Variants in CREB5 observed in about 807,000 individuals in gnomAD.
CREB5 encodes cyclic AMP-responsive element-binding protein 5.
In CREB5, 19 loss-of-function variants were observed where a neutral mutation model predicts 57.1. The ratio of observed to expected loss-of-function variants is 0.33; its 90% CI spans 0.23 to 0.49. The LOEUF is 0.49. Ranked by LOEUF, CREB5 falls within the 20% of genes least tolerant of loss-of-function variation. The pLI, the probability that CREB5 is intolerant of heterozygous loss-of-function variation, is 0.99. For synonymous variants in CREB5, 238 were observed against 238.3 expected, an observed-to-expected ratio of 1.00 and a Z score of 0.01; for missense variants, 579 against 671.6, an observed-to-expected ratio of 0.86 and a Z score of 1.52.
intron 5 of CREB5, among the ~76,000 whole-genome samples, chr7:28,603,385 T>G (rs957937421): frequency 1.3e-5 from 2 of 152,256 alleles, no homozygotes; most frequent in Admixed American, 1.3e-4. Context: ...ATGTTTGTTT[T>G]GATCACGGCC....
chr7:28,738,390 C>T (rs1419438154), intron 7 of CREB5, among the ~76,000 whole-genome samples: 2 of 152,172 alleles, frequency 1.3e-5, no homozygotes, highest in African/African-American at 2.4e-5. Flanking sequence ...GGATGTGGTT[C>T]GGTCTCGAGG....
At chr7:28,353,306 G>A (rs1786272078) in intron 1 of CREB5, among the ~76,000 whole-genome samples, 1 of 152,012 alleles carries the variant, frequency 6.6e-6, no homozygotes, top group African/African-American at 2.4e-5. Context: ...TGGTCTTGAG[G>A]AGTGCTTCTT....
chr7:28,334,786 A>G (rs1270894007), intron 1 of CREB5, among the ~76,000 whole-genome samples: 1 of 152,142 alleles, frequency 6.6e-6, no homozygotes, highest in Non-Finnish European at 1.5e-5. Flanking sequence ...GCCCAGTCCA[A>G]TGTCCTGGAG....
chr7:28,406,587 G>C (rs1214264685), intron 1 of CREB5, among the ~76,000 whole-genome samples: 1 of 152,240 alleles, frequency 6.6e-6, no homozygotes, highest in African/African-American at 2.4e-5. Flanking sequence ...AATGGATGGA[G>C]TCCTGGTGGG....
At chr7:28,805,737 GC>G (rs948374795) in intron 8 of CREB5, among the ~76,000 whole-genome samples, 1 of 151,798 alleles carries the variant, frequency 6.6e-6, no homozygotes, top group Non-Finnish European at 1.5e-5. Context: ...TTTTTTTCCT[GC>G]CTTCCTCACT....
chr7:28,601,241 G>A (rs550319864), intron 5 of CREB5, among the ~76,000 whole-genome samples: 1 of 151,952 alleles, frequency 6.6e-6, no homozygotes, highest in Admixed American at 6.6e-5. Flanking sequence ...GGGTGGTGGT[G>A]GAAAAGGGGA....
intron 3 of CREB5, among the ~76,000 whole-genome samples, chr7:28,502,456 A>G (rs1401128477): frequency 6.6e-6 from 1 of 152,242 alleles, no homozygotes; most frequent in Non-Finnish European, 1.5e-5. Flanking sequence ...TAAAATAGAT[A>G]TACTAATTCC....
intron 5 of CREB5, among the ~76,000 whole-genome samples, chr7:28,696,635 A>G (rs1313525562): frequency 6.6e-6 from 1 of 152,134 alleles, no homozygotes; most frequent in Non-Finnish European, 1.5e-5. Context: ...TATGAGCAAT[A>G]GTGGGAAATA....
In CREB5 at chr7:28,819,489, G is replaced by C. The variant is rs1236248561; in HGVS notation, c.*210G>C. On this transcript the variant is annotated 3_prime_UTR_variant, in exon 11 of 11. Coordinates refer to ENST00000357727, the MANE Select transcript of CREB5 (RefSeq NM_182898.4). Reference sequence around the variant, plus strand: ...TTATGCAATTAATATCTATCAGCTTGGGAAACGCTTTGGTGCTTTTCTCCA... The same window carrying C: ...TTATGCAATTAATATCTATCAGCTTCGGAAACGCTTTGGTGCTTTTCTCCA... 2 of 501,844 alleles carry C rather than the reference G, an allele frequency of 4.0e-6. No individual in the cohort carries two copies. Among genetic ancestry groups the C allele is most frequent in the Non-Finnish European group, 6.8e-6 (2 of 295,938 alleles). 31.1% of individuals were successfully genotyped at this position (501,844 alleles called of 1,614,324 possible). A position where few individuals can be genotyped will look rare whatever the true frequency, so the allele number is the denominator to read the frequency against.
chr7:28,362,451 T>G (rs897636386), intron 1 of CREB5, among the ~76,000 whole-genome samples: 3 of 152,244 alleles, frequency 2.0e-5, no homozygotes, highest in Admixed American at 6.5e-5. Flanking sequence ...TTTTTAAGTT[T>G]GCAAAATAGA....
chr7:28,686,050 T>C, intron 5 of CREB5: 1 of 1,402,026 alleles, frequency 7.1e-7, no homozygotes, highest in African/African-American at 1.4e-5. Flanking sequence ...GGCCAGCACA[T>C]TACATCATCG....
At chr7:28,447,329 T>C (rs1789532744) in intron 1 of CREB5, among the ~76,000 whole-genome samples, 1 of 152,254 alleles carries the variant, frequency 6.6e-6, no homozygotes, top group Non-Finnish European at 1.5e-5. Flanking sequence ...TATGTTCCAC[T>C]GGGACTGATC....
At chr7:28,626,673 G>T (rs1365079018) in intron 5 of CREB5, among the ~76,000 whole-genome samples, 1 of 152,148 alleles carries the variant, frequency 6.6e-6, no homozygotes, top group East Asian at 1.9e-4. Flanking sequence ...TTAAACGAGT[G>T]CAAATAGATC....
chr7:28,768,584 T>C (rs1806133036), intron 7 of CREB5, among the ~76,000 whole-genome samples: 1 of 152,202 alleles, frequency 6.6e-6, no homozygotes, highest in Admixed American at 6.5e-5. Context: ...CCTGTCTGAA[T>C]TAGAGGATAA....
chr7:28,622,291 A>G (rs1401189647), intron 5 of CREB5, among the ~76,000 whole-genome samples: 1 of 148,878 alleles, frequency 6.7e-6, no homozygotes, highest in Non-Finnish European at 1.5e-5. Flanking sequence ...ACACACACAC[A>G]CACTCCCCAC....
chr7:28,319,689 C>T lies in CREB5; in HGVS notation c.-25+20248C>T, dbSNP rs535404927. On this transcript the variant is annotated intron_variant, in intron 1 of 9. Transcript: ENST00000396299. Reference sequence around the variant, plus strand: ...ACCATTTCCCCATCAAGTCCAAAGGCAGCACCAGAAGGGTAGAGTGAGCAT... The same window carrying T: ...ACCATTTCCCCATCAAGTCCAAAGGTAGCACCAGAAGGGTAGAGTGAGCAT... 2.6e-5 allele frequency among the ~76,000 whole-genome samples: 4 copies of T among 152,200 alleles called. 1 individual carries two copies. The South Asian group carries it at 8.3e-4, about 32-fold the overall frequency.
chr7:28,301,470 A>T (rs948161249), intron 1 of CREB5, among the ~76,000 whole-genome samples: 1 of 152,230 alleles, frequency 6.6e-6, no homozygotes, highest in Non-Finnish European at 1.5e-5. Flanking sequence ...AAAGTCTGAA[A>T]GTCTGCAATT....
intron 3 of CREB5, among the ~76,000 whole-genome samples, chr7:28,499,819 G>T (rs217500): frequency 0.27 from 41,070 of 152,116 alleles, 6,931 homozygotes; most frequent in Non-Finnish European, 0.36. Context: ...TCAACCTCAG[G>T]TGATCTGCCC....
At chr7:28,502,686 C>T (rs1233234468) in intron 3 of CREB5, among the ~76,000 whole-genome samples, 1 of 152,178 alleles carries the variant, frequency 6.6e-6, no homozygotes, top group Admixed American at 6.5e-5. Context: ...TATGATGTAA[C>T]ATTATTTTCA....
Sources: allele counts gnomAD v4.1 joint callset (sites outside exome capture counted in the v4.1 genomes callset), GRCh38; gene constraint gnomAD v4.1.1; transcripts MANE v1.5; gene names NCBI Gene and HGNC (gene_info 2026-07-23, HGNC 2026-07-21).